Variants in SPATS2 observed in about 807,000 individuals in gnomAD.
SPATS2 encodes spermatogenesis associated serine rich 2.
Under a neutral mutation model 63.7 loss-of-function variants are expected in SPATS2, and 38 were observed. The observed-to-expected ratio is 0.60, with a 90% CI of 0.46 to 0.78. SPATS2 has a LOEUF of 0.78. Among genes scored for constraint, SPATS2 ranks in the 30% least tolerant of loss-of-function variants. SPATS2 has a pLI of 0.00. For missense variants in SPATS2, 588 were observed against 666.2 expected, an observed-to-expected ratio of 0.88 and a Z score of 1.29; for synonymous variants, 207 against 232.9, an observed-to-expected ratio of 0.89 and a Z score of 1.01.
At chr12:49,408,807 C>T (rs143858427) in intron 2 of SPATS2, among the ~76,000 whole-genome samples, 1,965 of 151,926 alleles carry the variant, frequency 0.013, 50 homozygotes, top group African/African-American at 0.045. Context: ...CCACCCACCT[C>T]GGCTTCCCAG....
At chr12:49,367,660 G>A (rs1592330022) in intron 1 of SPATS2, 73 bp downstream of exon 1, 1 of 226,708 alleles carries the variant, frequency 4.4e-6, no homozygotes, top group Non-Finnish European at 8.3e-6. Flanking sequence ...AGCGGGTTGA[G>A]GGAGGAAAAA....
intron 10 of SPATS2, among the ~76,000 whole-genome samples, chr12:49,515,863 T>C (rs934738909): frequency 1.3e-5 from 2 of 151,716 alleles, no homozygotes; most frequent in African/African-American, 4.8e-5. Context: ...GAAATAAGGC[T>C]GGGCGCAGTG....
At chr12:49,497,132 TC>T in intron 8 of SPATS2, 123 bp downstream of exon 8, 1 of 998,464 alleles carries the variant, frequency 1.0e-6, no homozygotes, top group South Asian at 1.8e-5. Flanking sequence ...TTTTCCATTT[TC>T]CAGACAGTGA....
rs370181018 is a variant in SPATS2, at chr12:49,450,809, G to A, written c.-243-9961G>A. 4.7e-4 allele frequency among the ~76,000 whole-genome samples: 72 copies of A among 152,052 alleles called. No individual in the cohort carries two copies. In the South Asian group the frequency reaches 0.012, roughly 26 times the overall value. On this transcript the variant is annotated intron_variant, in intron 2 of 13. Coordinates refer to ENST00000552918, the MANE Select transcript of SPATS2 (RefSeq NM_023071.4). Reference sequence around the variant, plus strand: ...TCCACCTGCCTTGGCCTCCCGAAGTGCTGGAATTACAGGCGCAAGCTACTG... The same window carrying A: ...TCCACCTGCCTTGGCCTCCCGAAGTACTGGAATTACAGGCGCAAGCTACTG...
intron 2 of SPATS2, among the ~76,000 whole-genome samples, chr12:49,398,224 G>A (rs796613537): frequency 1.1e-4 from 17 of 151,684 alleles, no homozygotes; most frequent in African/African-American, 4.1e-4. Flanking sequence ...TTTAAATGAG[G>A]ATGGGGGCCA....
chr12:49,374,958 C>CAAAAAAAAAAAAAA (rs10687716), intron 2 of SPATS2, among the ~76,000 whole-genome samples: 2 of 24,738 alleles, frequency 8.1e-5, no homozygotes, highest in African/African-American at 2.6e-4. Context: ...GGATCTGTCT[C>CAAAAAAAAAAAAAA]AAAAAAAAAA....
At chr12:49,410,902 T>A (rs1319761954) in intron 2 of SPATS2, among the ~76,000 whole-genome samples, 2 of 151,936 alleles carry the variant, frequency 1.3e-5, no homozygotes, top group Non-Finnish European at 2.9e-5. Flanking sequence ...GTGACTGAGT[T>A]CAGTGAGTTT....
At chr12:49,428,069 C>CA (rs370940329) in intron 2 of SPATS2, among the ~76,000 whole-genome samples, 351 of 152,168 alleles carry the variant, frequency 2.3e-3, no homozygotes, top group African/African-American at 8.1e-3. Flanking sequence ...TCCTGGCTAA[C>CA]ACGGTGAAAC....
intron 2 of SPATS2, among the ~76,000 whole-genome samples, chr12:49,407,884 G>A (rs144822566): frequency 6.6e-6 from 1 of 152,134 alleles, no homozygotes; most frequent in East Asian, 1.9e-4. Context: ...CTTTTGCACC[G>A]CCAACAGCAG....
chr12:49,451,091 C>CTT (rs749888425), intron 2 of SPATS2, among the ~76,000 whole-genome samples: 1 of 151,878 alleles, frequency 6.6e-6, no homozygotes, highest in African/African-American at 2.4e-5. Flanking sequence ...AGGCTGGTCT[C>CTT]TAACTCCTGA....
intron 9 of SPATS2, among the ~76,000 whole-genome samples, chr12:49,503,606 G>A (rs575804272): frequency 1.3e-5 from 2 of 150,728 alleles, no homozygotes; most frequent in East Asian, 1.9e-4. Context: ...CCAAGATCGC[G>A]CCACTGCACT....
At chr12:49,464,608 C>CA (rs1285436685) in intron 3 of SPATS2, among the ~76,000 whole-genome samples, 1 of 113,692 alleles carries the variant, frequency 8.8e-6, no homozygotes, top group Non-Finnish European at 1.8e-5. Context: ...GCCTGGGCAA[C>CA]AAGAGCAAAA....
At position 49,519,174 on chromosome 12, in the gene SPATS2, G is replaced by A; in HGVS notation, c.1000G>A (p.Asp334Asn). ...SEQQLVELRA[D>N]IKHFVSERKY... ...GCAGCAATTGGTTGAGCTCAGAGCT[G>A]ATATCAAGGTAAAACTTCTTTCTGC... is the stretch of plus-strand genomic sequence containing the variant. Residue 334 changes from aspartate (D) to asparagine (N), a missense_variant, in exon 11 of 14, where the codon GAT (aspartate) becomes AAT (asparagine). Transcript: ENST00000552918. The A allele has an allele frequency of 1.2e-6, 2 of 1,612,376 alleles. No homozygotes were observed. Among genetic ancestry groups the A allele is most frequent in the Non-Finnish European group, 1.7e-6 (2 of 1,179,154 alleles).
At chr12:49,388,382 T>G (rs1351371126) in intron 2 of SPATS2, among the ~76,000 whole-genome samples, 4 of 151,924 alleles carry the variant, frequency 2.6e-5, no homozygotes, top group Admixed American at 1.3e-4. Flanking sequence ...AAAAAATAAT[T>G]TTTTTTCCCC....
In SPATS2 at chr12:49,526,558, G is replaced by C. The variant is rs1947039520; in HGVS notation, c.*303G>C. On this transcript the variant is annotated 3_prime_UTR_variant, in exon 14 of 14. Transcript: ENST00000552918. ...TCCAGTTGATCCCTCCACTGTCCAG[G>C]CTGTCTCAGGAGGAGGTGAATCAGA... The C allele has an allele frequency of 2.8e-6, 1 of 353,788 alleles. No homozygotes were observed. Among genetic ancestry groups the C allele is most frequent in the African/African-American group, 2.1e-5 (1 of 47,434 alleles). The allele number at this position is 353,788 out of a possible 1,614,324, so 21.9% of individuals were successfully genotyped here.
At chr12:49,404,167 A>G (rs1565705275) in intron 2 of SPATS2, among the ~76,000 whole-genome samples, 1 of 152,190 alleles carries the variant, frequency 6.6e-6, no homozygotes, top group South Asian at 2.1e-4. Context: ...AACGTGGTGA[A>G]TGCTATGATA....
chr12:49,404,676 C>G (rs745784172), intron 2 of SPATS2, among the ~76,000 whole-genome samples: 9 of 152,106 alleles, frequency 5.9e-5, no homozygotes, highest in South Asian at 2.1e-4. Flanking sequence ...CACAGGTATG[C>G]TGTCTTTGCC....
chr12:49,414,964 AGTTTAACTC>A (rs1254530691), intron 2 of SPATS2, among the ~76,000 whole-genome samples: 2 of 123,880 alleles, frequency 1.6e-5, no homozygotes, highest in African/African-American at 3.3e-5. Context: ...TTTGAGACAG[AGTTTAACTC>A]ATGTTGCCCA....
chr12:49,367,234 G>A, upstream of SPATS2: 1 of 249,450 alleles, frequency 4.0e-6, no homozygotes, highest in East Asian at 7.6e-5. Flanking sequence ...AGCTTGGCGC[G>A]CCGGATTCGC....
Sources: allele counts gnomAD v4.1 joint callset (sites outside exome capture counted in the v4.1 genomes callset), GRCh38; gene constraint gnomAD v4.1.1; transcripts MANE v1.5; gene names NCBI Gene and HGNC (gene_info 2026-07-23, HGNC 2026-07-21).